Variants in CRTAC1 observed in about 807,000 individuals in gnomAD.
CRTAC1 encodes the protein cartilage acidic protein 1.
Under a neutral mutation model 67.8 loss-of-function variants are expected in CRTAC1, and 37 were observed. That is an observed-to-expected ratio of 0.55 (90% CI 0.42 to 0.72). CRTAC1 has a LOEUF of 0.72. CRTAC1 is among the 30% of genes least tolerant of loss of function. The pLI is 0.00. For missense variants in CRTAC1, 780 were observed against 931.6 expected, an observed-to-expected ratio of 0.84 and a Z score of 2.12; for synonymous variants, 348 against 371.0, an observed-to-expected ratio of 0.94 and a Z score of 0.71.
chr10:97,954,901 C>A (rs1455610719), intron 2 of CRTAC1, among the ~76,000 whole-genome samples: 2 of 152,186 alleles, frequency 1.3e-5, no homozygotes, highest in African/African-American at 4.8e-5. Context: ...TTCTCAAGAT[C>A]TTGACCTTCA....
chr10:98,011,011 A>T, intron 2 of CRTAC1, 127 bp downstream of exon 2: 1 of 823,188 alleles, frequency 1.2e-6, no homozygotes, highest in Non-Finnish European at 2.0e-6. Flanking sequence ...GCTGAGCCAC[A>T]GACAACCACA....
intron 2 of CRTAC1, among the ~76,000 whole-genome samples, chr10:98,010,308 G>A (rs961194086): frequency 1.3e-5 from 2 of 152,144 alleles, no homozygotes; most frequent in Non-Finnish European, 1.5e-5. Context: ...CTAAAGTGCT[G>A]GGATTACAGG....
chr10:97,874,615 C>T (rs1397143077), intron 14 of CRTAC1, among the ~76,000 whole-genome samples: 1 of 152,150 alleles, frequency 6.6e-6, no homozygotes, highest in East Asian at 1.9e-4. Context: ...GGGCCCGGGG[C>T]TCCATCCTGA....
chr10:97,974,670 C>T (rs1031384186), intron 2 of CRTAC1, among the ~76,000 whole-genome samples: 4 of 152,190 alleles, frequency 2.6e-5, no homozygotes, highest in Non-Finnish European at 4.4e-5. Flanking sequence ...GGGTCCCCTC[C>T]GCTTCCCCTC....
chr10:97,976,231 A>G (rs910461511), intron 2 of CRTAC1, among the ~76,000 whole-genome samples: 2 of 152,254 alleles, frequency 1.3e-5, no homozygotes, highest in Non-Finnish European at 2.9e-5. Flanking sequence ...AAAGCTTAAC[A>G]GAGTTGATCA....
Position 98,029,485 on chromosome 10 carries a change from A to AGCGGCG in CRTAC1, c.24+963_24+964insCGCCGC, listed in dbSNP as rs1327277469. 2.6e-5 allele frequency among the ~76,000 whole-genome samples: 3 copies of AGCGGCG among 117,072 alleles called. No individual in the cohort carries two copies. The highest frequency in any genetic ancestry group is 6.4e-5 in the African/African-American group (2 of 31,126). 76.8% of individuals were successfully genotyped at this position (117,072 alleles called of 152,430 possible). On this transcript the variant is annotated intron_variant, in intron 1 of 14. Transcript: ENST00000370597. The surrounding 1 kb of genome is among the most constrained non-coding windows in gnomAD (Gnocchi z 4.7). ...AGCCACACTGGGTGCACCCACCAGC[A>AGCGGCG]GCAGCAGCGGCGGCGGCGGCGGCGG...
intron 3 of CRTAC1, among the ~76,000 whole-genome samples, chr10:97,925,101 A>G (rs1390929208): frequency 6.6e-6 from 1 of 152,088 alleles, no homozygotes; most frequent in Non-Finnish European, 1.5e-5. Context: ...CCCCATCTTT[A>G]CAAACCCTCC....
intron 14 of CRTAC1, among the ~76,000 whole-genome samples, chr10:97,876,618 TTGAC>T (rs936004796): frequency 6.6e-6 from 1 of 152,150 alleles, no homozygotes; most frequent in African/African-American, 2.4e-5. Flanking sequence ...ATTTCATTAC[TTGAC>T]TGCCCCTAAA....
chr10:97,884,461 T>TTAGAACA, intron 11 of CRTAC1, 110 bp from the exon 12 acceptor site: 9 of 1,024,968 alleles, frequency 8.8e-6, no homozygotes, highest in Non-Finnish European at 1.3e-5. Flanking sequence ...AATTGAGCAC[T>TTAGAACA]GTTCTAAGTG....
At chr10:98,020,213 T>G (rs766826447) in intron 1 of CRTAC1, among the ~76,000 whole-genome samples, 1 of 151,678 alleles carries the variant, frequency 6.6e-6, no homozygotes, top group African/African-American at 2.4e-5. Context: ...GTGTGGATCT[T>G]CATATGGACT....
At position 97,865,685 on chromosome 10, in the gene CRTAC1, G is replaced by A; in HGVS notation, c.1849C>T (p.Pro617Ser). ...GTLGQSPGPRPTTPTAAAATA... is the reference protein window; with the variant it reads ...GTLGQSPGPRSTTPTAAAATA... ...GCAGCAGCAGCGGTGGGGGTGGTGG[G>A]GCGGGGGCCCGGTGACTGGCCGAGA... The change falls in exon 15 of 15, where the codon CCC becomes TCC. Residue 617 changes from proline (P) to serine (S), a missense_variant. Coordinates refer to ENST00000370597, the MANE Select transcript of CRTAC1 (RefSeq NM_018058.7). 6.2e-7 allele frequency: 1 copy of A among 1,607,208 alleles called. No individual in the cohort carries two copies. Among genetic ancestry groups the A allele is most frequent in the Non-Finnish European group, 8.5e-7 (1 of 1,176,846 alleles).
chr10:97,880,395 G>T lies in CRTAC1; in HGVS notation c.1676-3C>A. ...GAACTGGATGCATTCATTGGTGTCT[G>T]CAAGGCGAGGGGAACCACTCACCAT... On this transcript the variant is annotated splice_polypyrimidine_tract_variant and splice_region_variant and intron_variant, in intron 13 of 14. Coordinates refer to ENST00000370597, the MANE Select transcript of CRTAC1 (RefSeq NM_018058.7). 1 of 1,612,352 alleles carries T rather than the reference G, an allele frequency of 6.2e-7. No individual in the cohort carries two copies. Among genetic ancestry groups the T allele is most frequent in the Non-Finnish European group, 8.5e-7 (1 of 1,178,472 alleles).
intron 1 of CRTAC1, among the ~76,000 whole-genome samples, chr10:98,024,746 CTTTTTTTTTT>C (rs749919406): frequency 1.1e-4 from 7 of 65,050 alleles, no homozygotes; most frequent in Admixed American, 2.0e-4. Flanking sequence ...TTATATTATC[CTTTTTTTTTT>C]TTTTTTTTTT....
intron 11 of CRTAC1, among the ~76,000 whole-genome samples, chr10:97,889,067 C>T (rs371762312): frequency 1.6e-5 from 2 of 122,980 alleles, no homozygotes; most frequent in African/African-American, 6.0e-5. Context: ...AGCTGAAAGG[C>T]GGTGGCATGT....
intron 2 of CRTAC1, among the ~76,000 whole-genome samples, chr10:97,993,744 G>A (rs549707930): frequency 6.6e-6 from 1 of 152,294 alleles, no homozygotes; most frequent in Admixed American, 6.5e-5. Context: ...TATGTGATAG[G>A]CACTGTAGGT....
At chr10:97,990,303 G>A (rs1000650696) in intron 2 of CRTAC1, among the ~76,000 whole-genome samples, 3 of 152,264 alleles carry the variant, frequency 2.0e-5, no homozygotes, top group African/African-American at 2.4e-5. Flanking sequence ...CTACTATAGC[G>A]CTCATTTTTG....
In CRTAC1 at chr10:98,011,100, G is replaced by A. The variant is rs371080569; in HGVS notation, c.224+38C>T. 8.8e-6 allele frequency: 14 copies of A among 1,582,416 alleles called. No homozygotes were observed. The African/African-American group carries it at 1.9e-4, about 21-fold the overall frequency. On this transcript the variant is annotated intron_variant, in intron 2 of 14. Coordinates refer to ENST00000370597, the MANE Select transcript of CRTAC1 (RefSeq NM_018058.7). ...ACACAGCCTTATTACAGCAAAATCT[G>A]ATTAATATCTGTCACACTGAGGGTG...
chr10:97,975,570 A>G lies in CRTAC1; in HGVS notation c.224+35568T>C, dbSNP rs1243916488. ...GTCGGAATGGAGTCACCTTTTCCTA[A>G]AGGACGTGGGGCACCATTTCTGTTA... is the stretch of plus-strand genomic sequence containing the variant. On this transcript the variant is annotated intron_variant, in intron 2 of 14. Coordinates refer to ENST00000370597, the MANE Select transcript of CRTAC1 (RefSeq NM_018058.7). This position sits in a 1 kb window ranked among gnomAD's most constrained non-coding sequence, Gnocchi z 4.8. Among the ~76,000 whole-genome samples the G allele has an allele frequency of 6.6e-6, 1 of 152,140 alleles. No individual in the cohort carries two copies. The highest frequency in any genetic ancestry group is 1.5e-5 in the Non-Finnish European group (1 of 68,008).
intron 11 of CRTAC1, among the ~76,000 whole-genome samples, chr10:97,886,215 C>T (rs1252416290): frequency 6.6e-6 from 1 of 152,178 alleles, no homozygotes; most frequent in Admixed American, 6.5e-5. Context: ...TGAGCCACAT[C>T]CCCCAGCTTC....
Sources: gnomAD v4.1 joint callset for allele counts (sites outside exome capture counted in the v4.1 genomes callset) on GRCh38, gnomAD v4.1.1 for gene constraint, Gnocchi (gnomAD v3.1) non-coding constraint, MANE v1.5 for transcripts, NCBI Gene and HGNC (gene_info 2026-07-23, HGNC 2026-07-21) for gene names.